The following GNAQ variants were observed in gnomAD, a reference collection of about 807,000 sequenced individuals.
GNAQ encodes G protein subunit alpha q.
GNAQ carries 8 observed loss-of-function variants against 43.9 expected under a neutral mutation model. That is an observed-to-expected ratio of 0.18 (90% CI 0.11 to 0.33). The LOEUF is 0.33. Among genes scored for constraint, GNAQ ranks in the 10% least tolerant of loss-of-function variants. The pLI, the probability that GNAQ is intolerant of heterozygous loss-of-function variation, is 1.00. For missense variants in GNAQ, 158 were observed against 450.8 expected, an observed-to-expected ratio of 0.35 and a Z score of 5.88; for synonymous variants, 155 against 170.7, an observed-to-expected ratio of 0.91 and a Z score of 0.71.
chr9:77,726,042 C>T (rs942836793), intron 6 of GNAQ, among the ~76,000 whole-genome samples: 4 of 151,918 alleles, frequency 2.6e-5, no homozygotes, highest in African/African-American at 7.3e-5. Context: ...GGCAGGCAAG[C>T]GTGTTTAGAT....
intron 1 of GNAQ, among the ~76,000 whole-genome samples, chr9:77,964,984 A>C (rs1823148614): frequency 6.6e-6 from 1 of 152,184 alleles, no homozygotes; most frequent in African/African-American, 2.4e-5. Flanking sequence ...ACCTGGTATC[A>C]CTTCTATTAG....
intron 1 of GNAQ, among the ~76,000 whole-genome samples, chr9:77,931,831 A>G (rs978986493): frequency 1.3e-5 from 2 of 152,112 alleles, no homozygotes; most frequent in African/African-American, 4.8e-5. Flanking sequence ...TGAGTTTTCA[A>G]TTAGTTAATC....
At position 77,894,806 on chromosome 9, in the gene GNAQ, T is replaced by C. The variant is rs967157208; in HGVS notation, c.321+27355A>G. On this transcript the variant is annotated intron_variant, in intron 2 of 6. Coordinates refer to ENST00000286548, the MANE Select transcript of GNAQ (RefSeq NM_002072.5). ...TTTTCATTGATCAAGAGCATTATTT[T>C]CCAGAAGTGTTTATTTATATAATAA... Among the ~76,000 whole-genome samples, 9 of 120,618 alleles carry C rather than the reference T, an allele frequency of 7.5e-5. No individual in the cohort carries two copies. In the East Asian group the frequency reaches 1.4e-3, roughly 19 times the overall value. 79.1% of individuals were successfully genotyped at this position (120,618 alleles called of 152,430 possible).
chr9:77,990,820 A>G (rs1179803490), intron 1 of GNAQ, among the ~76,000 whole-genome samples: 6 of 152,084 alleles, frequency 3.9e-5, no homozygotes, highest in Admixed American at 2.0e-4. Context: ...ATAAATAGCA[A>G]TTTCTCCCTC....
intron 2 of GNAQ, among the ~76,000 whole-genome samples, chr9:77,880,509 T>C (rs1229566290): frequency 6.6e-6 from 1 of 151,900 alleles, no homozygotes; most frequent in Middle Eastern, 3.2e-3. Flanking sequence ...GCCTTCTGAA[T>C]GGCTGGGACT....
chr9:77,743,962 C>T (rs1307307283), intron 5 of GNAQ, among the ~76,000 whole-genome samples: 1 of 152,142 alleles, frequency 6.6e-6, no homozygotes, highest in African/African-American at 2.4e-5. Context: ...TATATATTTC[C>T]TCTGACTTTA....
chr9:78,031,096 T>C lies in GNAQ; in HGVS notation c.136+4A>G. The C allele has an allele frequency of 1.3e-6, 2 of 1,512,608 alleles. No individual in the cohort carries two copies. The highest frequency in any genetic ancestry group is 2.8e-5 in the East Asian group (1 of 36,040). The allele number at this position is 1,512,608 out of a possible 1,614,324, so 93.7% of individuals were successfully genotyped here. ...GGCCCGGCGGGGCCCCGGACGGTAC[T>C]CACCGAGCAGCAGCAGCTTGAGCTC... On this transcript the variant is annotated splice_donor_region_variant and intron_variant, in intron 1 of 6. Transcript: ENST00000286548.
At chr9:77,761,258 T>C (rs529195346) in intron 5 of GNAQ, among the ~76,000 whole-genome samples, 4,987 of 73,874 alleles carry the variant, frequency 0.068, 67 homozygotes, top group African/African-American at 0.16. Context: ...CCAGCCACCC[T>C]GTCCGGGAGG....
intron 3 of GNAQ, among the ~76,000 whole-genome samples, chr9:77,801,428 C>T (rs944332767): frequency 4.6e-5 from 7 of 152,190 alleles, no homozygotes; most frequent in African/African-American, 1.4e-4. Flanking sequence ...ACACTGAGCA[C>T]CTGATGCCTG....
chr9:77,752,572 A>G (rs1433586102), intron 5 of GNAQ, among the ~76,000 whole-genome samples: 1 of 152,176 alleles, frequency 6.6e-6, no homozygotes, highest in Non-Finnish European at 1.5e-5. Context: ...CCAAACCCAC[A>G]AAGTTATTTC....
chr9:77,851,308 C>T (rs1019939402), intron 2 of GNAQ, among the ~76,000 whole-genome samples: 2 of 152,114 alleles, frequency 1.3e-5, no homozygotes, highest in African/African-American at 4.8e-5. Context: ...AAACCTCCCC[C>T]AAAACAGGAT....
intron 2 of GNAQ, among the ~76,000 whole-genome samples, chr9:77,869,980 G>C (rs1454604698): frequency 6.6e-6 from 1 of 152,182 alleles, no homozygotes; most frequent in Admixed American, 6.5e-5. Context: ...TTCTCTTCTA[G>C]ATAATGCCTT....
chr9:78,021,698 A>G (rs1319365268), intron 1 of GNAQ, among the ~76,000 whole-genome samples: 1 of 152,214 alleles, frequency 6.6e-6, no homozygotes, highest in East Asian at 1.9e-4. Context: ...AATGGCAGAG[A>G]TGGGCTTGGG....
intron 5 of GNAQ, among the ~76,000 whole-genome samples, chr9:77,788,531 A>T (rs1826519367): frequency 6.6e-6 from 1 of 152,206 alleles, no homozygotes; most frequent in African/African-American, 2.4e-5. Flanking sequence ...AAATGCCAAC[A>T]TGAGGCCAGT....
chr9:77,902,484 T>A (rs1016190526), intron 2 of GNAQ, among the ~76,000 whole-genome samples: 10 of 152,184 alleles, frequency 6.6e-5, no homozygotes, highest in Admixed American at 2.0e-4. Flanking sequence ...TCTTAACAGA[T>A]TATGACATTA....
chr9:78,027,261 A>G (rs1823993863), intron 1 of GNAQ, among the ~76,000 whole-genome samples: 1 of 152,238 alleles, frequency 6.6e-6, no homozygotes, highest in Admixed American at 6.5e-5. Flanking sequence ...TGCCACAGAT[A>G]AAAACATTAT....
chr9:77,868,513 C>A (rs376076102), intron 2 of GNAQ, among the ~76,000 whole-genome samples: 3 of 152,168 alleles, frequency 2.0e-5, no homozygotes, highest in Admixed American at 1.3e-4. Flanking sequence ...AATATGAATG[C>A]TTGGCCAGGA....
intron 2 of GNAQ, among the ~76,000 whole-genome samples, chr9:77,880,911 G>C (rs1388963711): frequency 6.6e-6 from 1 of 152,160 alleles, no homozygotes; most frequent in Non-Finnish European, 1.5e-5. Context: ...GAGCGAAGTA[G>C]GAACTGGGAC....
At chr9:77,795,936 G>GT (rs1587920095) in intron 4 of GNAQ, among the ~76,000 whole-genome samples, 2 of 152,268 alleles carry the variant, frequency 1.3e-5, no homozygotes, top group East Asian at 3.9e-4. Context: ...TTGTAATCTG[G>GT]TTTCAGAATC....
Sources: gnomAD v4.1 joint callset for allele counts (sites outside exome capture counted in the v4.1 genomes callset) on GRCh38, gnomAD v4.1.1 for gene constraint, MANE v1.5 for transcripts, NCBI Gene and HGNC (gene_info 2026-07-23, HGNC 2026-07-21) for gene names.